Variants in EML6 observed in about 807,000 individuals in gnomAD.
EML6 encodes echinoderm microtubule-associated protein-like 6.
EML6 carries 154 observed loss-of-function variants against 240.1 expected under a neutral mutation model. The observed-to-expected ratio is 0.64, with a 90% CI of 0.56 to 0.73. The LOEUF (loss-of-function observed/expected upper bound fraction) is 0.73. EML6 is among the 30% of genes least tolerant of loss of function. The pLI is 0.00. For missense variants in EML6, 2,964 were observed against 2,474.6 expected (o/e 1.20, Z -4.20); for synonymous variants, 1,148 against 899.0 (o/e 1.28, Z -4.95).
Position 54,849,967 on chromosome 2 carries a change from T to G in EML6, c.1193T>G (p.Met398Arg), listed in dbSNP as rs989836927. ...TTTGCTTTTTATTCTTACAGAGATA[T>G]GACAGAAGTAGTTCACATCAAAGAT... ...GSFIVLRVRD[M>R]TEVVHIKDRK... The change falls in exon 10 of 42, where the codon ATG becomes AGG. Residue 398 changes from methionine (M) to arginine (R), a missense_variant. By Grantham distance (91) the Met-to-Arg change is moderately conservative. Transcript: ENST00000356458. 6.4e-7 allele frequency: 1 copy of G among 1,550,922 alleles called. No individual in the cohort carries two copies. Among genetic ancestry groups the G allele is most frequent in the African/African-American group, 1.4e-5 (1 of 73,150 alleles).
chr2:54,897,827 T>A (rs538556096), intron 21 of EML6, among the ~76,000 whole-genome samples: 2 of 152,306 alleles, frequency 1.3e-5, no homozygotes, highest in Non-Finnish European at 1.5e-5. Flanking sequence ...GCTGTGTATA[T>A]GTGCAGTGGA....
At chr2:54,788,223 T>C (rs1040413682) in intron 2 of EML6, among the ~76,000 whole-genome samples, 6 of 152,260 alleles carry the variant, frequency 3.9e-5, no homozygotes, top group African/African-American at 1.4e-4. Flanking sequence ...AGGTTCCAGA[T>C]GGCTCCCGCT....
At chr2:54,744,770 AG>A (rs753435728) in intron 2 of EML6, among the ~76,000 whole-genome samples, 1 of 152,050 alleles carries the variant, frequency 6.6e-6, no homozygotes, top group Non-Finnish European at 1.5e-5. Flanking sequence ...GCTGAGTTTG[AG>A]GTGCCTATTG....
chr2:54,917,358 G>GTTTT (rs147785699), intron 26 of EML6, among the ~76,000 whole-genome samples: 2 of 123,820 alleles, frequency 1.6e-5, no homozygotes, highest in Non-Finnish European at 1.6e-5. Flanking sequence ...TTTTTTTTTT[G>GTTTT]TTTTTTTTTT....
In EML6 at chr2:54,928,731, G is replaced by T; in HGVS notation, c.3984G>T (p.Lys1328Asn). ...MEGTKPHQQL[K>N]EVSVEERPPV... Reference sequence around the variant, plus strand: ...GCACCAAGCCACACCAGCAGCTGAAGGAAGTTTCCGTGGAAGAAAGGTATG... The same window carrying T: ...GCACCAAGCCACACCAGCAGCTGAATGAAGTTTCCGTGGAAGAAAGGTATG... The change falls in exon 28 of 42, where the codon AAG becomes AAT. Residue 1328 changes from lysine (K) to asparagine (N), a missense_variant. By Grantham distance (94) the Lys-to-Asn change is moderately conservative. Coordinates refer to ENST00000356458, the MANE Select transcript of EML6 (RefSeq NM_001039753.4). The T allele has an allele frequency of 6.4e-7, 1 of 1,551,912 alleles. No homozygotes were observed.
intron 2 of EML6, among the ~76,000 whole-genome samples, chr2:54,754,553 A>G (rs1684317492): frequency 6.6e-6 from 1 of 152,148 alleles, no homozygotes; most frequent in African/African-American, 2.4e-5. Context: ...TCTTATTGAT[A>G]TATATGAGTT....
intron 2 of EML6, among the ~76,000 whole-genome samples, chr2:54,738,797 T>C (rs1240617004): frequency 6.6e-6 from 1 of 152,226 alleles, no homozygotes; most frequent in African/African-American, 2.4e-5. Context: ...CTACTGTTTA[T>C]GGGCCTTTGG....
At chr2:54,872,461 TCA>T (rs1270808433) in intron 16 of EML6, among the ~76,000 whole-genome samples, 1 of 152,154 alleles carries the variant, frequency 6.6e-6, no homozygotes, top group Admixed American at 6.5e-5. Context: ...GTTCAAGCCC[TCA>T]CTCTTTCATC....
chr2:54,926,593 C>T (rs1222192852), intron 26 of EML6, among the ~76,000 whole-genome samples: 2 of 152,246 alleles, frequency 1.3e-5, no homozygotes, highest in East Asian at 1.9e-4. Context: ...AACCACTATA[C>T]ATCCCTGCCA....
At chr2:54,950,544 C>T (rs945468420) in intron 29 of EML6, 106 bp from the exon 30 acceptor site, 1 of 1,282,366 alleles carries the variant, frequency 7.8e-7, no homozygotes. Context: ...CGTCACCAGC[C>T]ATACCGTTCC....
At chr2:54,849,370 A>G (rs1032428584) in intron 9 of EML6, among the ~76,000 whole-genome samples, 2 of 152,226 alleles carry the variant, frequency 1.3e-5, no homozygotes, top group African/African-American at 4.8e-5. Context: ...TATTTCTTCT[A>G]TCACACTGCA....
At chr2:54,831,808 G>A (rs960679310) in intron 7 of EML6, among the ~76,000 whole-genome samples, 11 of 152,150 alleles carry the variant, frequency 7.2e-5, no homozygotes, top group African/African-American at 2.7e-4. Context: ...GGGCTGGGAT[G>A]GAGCTCCTGG....
At chr2:54,749,600 T>A (rs1322165434) in intron 2 of EML6, among the ~76,000 whole-genome samples, 1 of 152,182 alleles carries the variant, frequency 6.6e-6, no homozygotes, top group East Asian at 1.9e-4. Context: ...TATTATGTAC[T>A]GGGCACGCTG....
intron 25 of EML6, among the ~76,000 whole-genome samples, chr2:54,913,558 C>CA (rs1223516481): frequency 6.6e-6 from 1 of 152,140 alleles, no homozygotes; most frequent in East Asian, 1.9e-4. Flanking sequence ...AGACCCTTTT[C>CA]AGGTGCATAG....
chr2:54,824,096 C>T (rs527981897), intron 5 of EML6, among the ~76,000 whole-genome samples: 15 of 152,166 alleles, frequency 9.9e-5, no homozygotes, highest in African/African-American at 3.4e-4. Flanking sequence ...ACTACCTTGC[C>T]TTAACTTTTT....
intron 2 of EML6, among the ~76,000 whole-genome samples, chr2:54,726,118 C>G (rs1328123196): frequency 6.6e-6 from 1 of 152,226 alleles, no homozygotes; most frequent in Non-Finnish European, 1.5e-5. Flanking sequence ...GGGCCAGATG[C>G]TGTTCACAGG....
At chr2:54,862,268 G>T (rs1286578177) in intron 12 of EML6, among the ~76,000 whole-genome samples, 2 of 147,974 alleles carry the variant, frequency 1.4e-5, no homozygotes, top group African/African-American at 5.0e-5. Flanking sequence ...GAACCGGGAG[G>T]TGAAGGTTGC....
chr2:54,846,474 T>C (rs937270603), intron 8 of EML6, among the ~76,000 whole-genome samples: 1 of 128,592 alleles, frequency 7.8e-6, no homozygotes, highest in Non-Finnish European at 1.6e-5. Flanking sequence ...AAGAGATATA[T>C]TGATACATAA....
chr2:54,840,141 G>A (rs1669365331), intron 7 of EML6, among the ~76,000 whole-genome samples: 1 of 152,124 alleles, frequency 6.6e-6, no homozygotes. Flanking sequence ...ATAGATACTT[G>A]ACCAAATACA....
Sources: allele counts gnomAD v4.1 joint callset (sites outside exome capture counted in the v4.1 genomes callset), GRCh38; gene constraint gnomAD v4.1.1; transcripts MANE v1.5; gene names NCBI Gene and HGNC (gene_info 2026-07-23, HGNC 2026-07-21).